Variants in ALOXE3 observed in about 807,000 individuals in gnomAD.
ALOXE3 encodes the protein hydroperoxide isomerase ALOXE3.
Under a neutral mutation model 87.5 loss-of-function variants are expected in ALOXE3, and 78 were observed. That is an observed-to-expected ratio of 0.89 (90% CI 0.74 to 1.08). The LOEUF (loss-of-function observed/expected upper bound fraction) is 1.08. Ranked by LOEUF, ALOXE3 falls within the 50% of genes least tolerant of loss-of-function variation. The probability of loss-of-function intolerance (pLI) is 0.00; values close to 1 mark genes in which losing one functional copy is unlikely to be tolerated. For synonymous variants in ALOXE3, 363 were observed against 370.8 expected, an observed-to-expected ratio of 0.98 and a Z score of 0.24; for missense variants, 946 against 912.4, an observed-to-expected ratio of 1.04 and a Z score of -0.47.
chr17:8,114,047 T>C (rs1280215599), intron 6 of ALOXE3, among the ~76,000 whole-genome samples: 3 of 146,534 alleles, frequency 2.0e-5, no homozygotes, highest in African/African-American at 5.0e-5. Context: ...AAAAAAGTGA[T>C]GTGCCCTGAA....
intron 8 of ALOXE3, 91 bp downstream of exon 8, chr17:8,111,268 C>T (rs145549234): frequency 6.0e-5 from 91 of 1,522,154 alleles, no homozygotes; most frequent in Non-Finnish European, 4.9e-5. Context: ...CAGCCCAGGC[C>T]ATTTCCATAC....
At chr17:8,112,429 G>T (rs544124324) in intron 6 of ALOXE3, among the ~76,000 whole-genome samples, 1 of 152,146 alleles carries the variant, frequency 6.6e-6, no homozygotes, top group Admixed American at 6.5e-5. Context: ...CATAAAGTTG[G>T]CACACACGGC....
rs769303884 is a variant in ALOXE3, at chr17:8,109,212, GT to G, written c.1523del (p.Tyr508SerfsTer6). On this transcript the variant is annotated frameshift_variant, in exon 12 of 16. Coordinates refer to ENST00000448843, the MANE Select transcript of ALOXE3 (RefSeq NM_021628.3). LOFTEE classifies it high-confidence loss of function. The stretch of plus-strand genomic sequence containing the variant: ...CCCAGATCTTCAGGCCGTCGTCTCG[GT>G]AGTGGTAGTTGGGGATAGCCAGGAC... ...RGVLAIPNYH[Y>X]RDDGLKIWAA... 7 of 1,613,844 alleles carry G rather than the reference GT, an allele frequency of 4.3e-6. No homozygotes were observed. The East Asian group carries it at 1.6e-4, about 36-fold the overall frequency.
At chr17:8,099,200 G>T (rs57313869) in intron 15 of ALOXE3, among the ~76,000 whole-genome samples, 62,655 of 151,726 alleles carry the variant, frequency 0.41, 13,439 homozygotes, top group East Asian at 0.62. Flanking sequence ...CGTAAGCACT[G>T]TACATGAACC....
intron 13 of ALOXE3, among the ~76,000 whole-genome samples, chr17:8,105,549 G>A (rs1401549795): frequency 6.6e-6 from 1 of 152,032 alleles, no homozygotes; most frequent in Admixed American, 6.6e-5. Flanking sequence ...CAGAATTTTT[G>A]TCTTTTTCAC....
chr17:8,110,047 C>G (rs771231164), intron 10 of ALOXE3, 45 bp from the exon 11 acceptor site: 4 of 1,577,744 alleles, frequency 2.5e-6, no homozygotes, highest in Non-Finnish European at 1.7e-6. Flanking sequence ...GGGGACAAGG[C>G]CGCCCGGCCC....
intron 4 of ALOXE3, 89 bp from the exon 5 acceptor site, chr17:8,115,146 T>A: frequency 6.5e-7 from 1 of 1,530,640 alleles, no homozygotes; most frequent in South Asian, 1.1e-5. Flanking sequence ...GATTAAAACT[T>A]CAAAAACCAC....
In ALOXE3 at chr17:8,109,226, G is replaced by A. The variant is rs751385208; in HGVS notation, c.1510C>T (p.Pro504Ser). The change falls in exon 12 of 16, where the codon CCC (proline) becomes TCC (serine). Residue 504 changes from proline to serine, a missense_variant. Transcript: ENST00000448843. ...CCGTCGTCTCGGTAGTGGTAGTTGG[G>A]GATAGCCAGGACGCCGCGGGCCCGC... ...SLRARGVLAI[P>S]NYHYRDDGLK... 8 of 1,614,038 alleles carry A rather than the reference G, an allele frequency of 5.0e-6. No homozygotes were observed. Among genetic ancestry groups the A allele is most frequent in the Non-Finnish European group, 6.8e-6 (8 of 1,180,044 alleles).
intron 1 of ALOXE3, 64 bp from the exon 2 acceptor site, chr17:8,118,367 A>C (rs1349675747): frequency 6.4e-7 from 1 of 1,551,356 alleles, no homozygotes; most frequent in Admixed American, 2.0e-5. Context: ...TAATTGGGAC[A>C]CTGCCCTCCG....
At chr17:8,096,841 T>C in intron 15 of ALOXE3, 35 bp from the exon 16 acceptor site, 3 of 1,607,380 alleles carry the variant, frequency 1.9e-6, no homozygotes, top group Non-Finnish European at 2.6e-6. Flanking sequence ...CAGGATGACA[T>C]TCAGATGGGA....
chr17:8,096,346 G>A lies in ALOXE3; in HGVS notation c.*281C>T. 1 of 403,944 alleles carries A rather than the reference G, an allele frequency of 2.5e-6. No individual in the cohort carries two copies. The highest frequency in any genetic ancestry group is 3.4e-5 in the South Asian group (1 of 29,126). The allele number at this position is 403,944 out of a possible 1,614,324, so 25.0% of individuals were successfully genotyped here. A position where few individuals can be genotyped will look rare whatever the true frequency, so the allele number is the denominator to read the frequency against. On this transcript the variant is annotated 3_prime_UTR_variant, in exon 16 of 16. Coordinates refer to ENST00000448843, the MANE Select transcript of ALOXE3 (RefSeq NM_021628.3). Reference sequence around the variant, plus strand: ...AGGCTGGAACAAGAGGCTGCCCCAAGTGGGGCAAGAAGTGAAGCGGTTCCT... The same window carrying A: ...AGGCTGGAACAAGAGGCTGCCCCAAATGGGGCAAGAAGTGAAGCGGTTCCT...
Position 8,109,210 on chromosome 17 carries a change from C to T in ALOXE3, c.1526G>A (p.Arg509Gln), listed in dbSNP as rs1979782663. 2.5e-6 allele frequency: 4 copies of T among 1,613,948 alleles called. No individual in the cohort carries two copies. Among genetic ancestry groups the T allele is most frequent in the Non-Finnish European group, 2.5e-6 (3 of 1,180,044 alleles). Residue 509 changes from arginine (R) to glutamine (Q), a missense_variant, in exon 12 of 16, where the codon CGA becomes CAA. Arg to Gln is a conservative substitution (Grantham distance 43). Coordinates refer to ENST00000448843, the MANE Select transcript of ALOXE3 (RefSeq NM_021628.3). Reference protein sequence around the residue: ...GVLAIPNYHYRDDGLKIWAAI... With the variant: ...GVLAIPNYHYQDDGLKIWAAI... ...CGCCCAGATCTTCAGGCCGTCGTCTCGGTAGTGGTAGTTGGGGATAGCCAG... is the reference window on the plus strand; with the variant it reads ...CGCCCAGATCTTCAGGCCGTCGTCTTGGTAGTGGTAGTTGGGGATAGCCAG...
rs532291816 is a variant in ALOXE3, at chr17:8,113,107, C to A, written c.681-911G>T. ...CTCCATCTCTATGATAAAAATCTAT[C>A]TCTTCTAGGCACAGCTCAGAAGCAA... On this transcript the variant is annotated intron_variant, in intron 6 of 15. Transcript: ENST00000448843. 4.6e-5 allele frequency among the ~76,000 whole-genome samples: 7 copies of A among 152,312 alleles called. No individual in the cohort carries two copies. The South Asian group carries it at 1.5e-3, about 32-fold the overall frequency.
intron 13 of ALOXE3, among the ~76,000 whole-genome samples, chr17:8,106,552 A>G (rs973882365): frequency 1.3e-5 from 2 of 152,158 alleles, no homozygotes; most frequent in African/African-American, 2.4e-5. Flanking sequence ...AAATAAAAAC[A>G]AAGAAGTGGA....
rs771761701 is a variant in ALOXE3 at position 8,110,508 on chromosome 17, C to T, written c.978G>A (p.Ala326=). 1.9e-6 allele frequency: 3 copies of T among 1,613,922 alleles called. No individual in the cohort carries two copies. The highest frequency in any genetic ancestry group is 3.3e-5 in the Admixed American group (2 of 60,012). ...TELERGNIFL[A]DYWILAEAPT... The stretch of plus-strand genomic sequence containing the variant: ...GGGCCTCCGCCAGGATCCAGTAGTC[C>T]GCTAGGAAGATGTTCCCCCTCTGCA... The change falls in exon 9 of 16, where the codon GCG becomes GCA. Residue 326 remains alanine, a synonymous_variant. Coordinates refer to ENST00000448843, the MANE Select transcript of ALOXE3 (RefSeq NM_021628.3).
At chr17:8,112,829 G>A (rs1185226750) in intron 6 of ALOXE3, among the ~76,000 whole-genome samples, 1 of 151,930 alleles carries the variant, frequency 6.6e-6, no homozygotes, top group Non-Finnish European at 1.5e-5. Flanking sequence ...TGTTACCGAG[G>A]CTGGAGTGCA....
intron 5 of ALOXE3, 43 bp from the exon 6 acceptor site, chr17:8,114,652 C>A (rs1222714379): frequency 1.2e-6 from 2 of 1,612,400 alleles, no homozygotes; most frequent in South Asian, 1.1e-5. Context: ...AGTCAGTGGG[C>A]CCTGAAGCCC....
In ALOXE3 at chr17:8,103,439, G is replaced by A; in HGVS notation, c.1840C>T (p.Pro614Ser). The change falls in exon 15 of 16, where the codon CCC becomes TCC. Residue 614 changes from proline to serine, a missense_variant. Physicochemically the swap from Pro to Ser is moderately conservative, Grantham distance 74 (BLOSUM62 -1). Coordinates refer to ENST00000448843, the MANE Select transcript of ALOXE3 (RefSeq NM_021628.3). ...AGGGTGGTGGTCCCCTTGGTCTGGG[G>A]TGGGGGCTGCCTCATGGATGATGGA... Reference protein sequence around the residue: ...NAPSSMRQPPPQTKGTTTLKT... With the variant: ...NAPSSMRQPPSQTKGTTTLKT... 1 of 1,614,174 alleles carries A rather than the reference G, an allele frequency of 6.2e-7. No homozygotes were observed. Among genetic ancestry groups the A allele is most frequent in the Non-Finnish European group, 8.5e-7 (1 of 1,180,014 alleles).
chr17:8,107,962 G>GGAGA lies in ALOXE3; in HGVS notation c.1684+505_1684+506insTCTC. On this transcript the variant is annotated intron_variant, in intron 13 of 15. Coordinates refer to ENST00000448843, the MANE Select transcript of ALOXE3 (RefSeq NM_021628.3). Reference sequence around the variant, plus strand: ...GAAAGAAAGAAAGAAAGAAAGAAAGGAAGGAGAGAGAGAGAGAGAGAAAGA... The same window carrying GGAGA: ...GAAAGAAAGAAAGAAAGAAAGAAAGGGAGAAAGGAGAGAGAGAGAGAGAGAAAGA... Among the ~76,000 whole-genome samples the GGAGA allele has an allele frequency of 3.4e-4, 2 of 5,882 alleles. 1 individual carries two copies. Among genetic ancestry groups the GGAGA allele is most frequent in the African/African-American group, 1.0e-3 (2 of 1,930 alleles). 3.9% of individuals were successfully genotyped at this position (5,882 alleles called of 152,430 possible).
Sources: gnomAD v4.1 joint callset for allele counts (sites outside exome capture counted in the v4.1 genomes callset) on GRCh38, gnomAD v4.1.1 for gene constraint, MANE v1.5 for transcripts, NCBI Gene and HGNC (gene_info 2026-07-23, HGNC 2026-07-21) for gene names.